The following NUP210L variants were observed in gnomAD, a reference collection of about 807,000 sequenced individuals.
The protein encoded by NUP210L is nucleoporin 210 like.
A neutral mutation model predicts 208.5 loss-of-function variants in NUP210L; 74 were observed. That is an observed-to-expected ratio of 0.35 (90% CI 0.29 to 0.43). NUP210L has a LOEUF of 0.43. Ranked by LOEUF, NUP210L falls within the 20% of genes least tolerant of loss-of-function variation. The pLI is 1.00. For missense variants in NUP210L, 1,843 were observed against 2,289.4 expected, an observed-to-expected ratio of 0.81 and a Z score of 3.98; for synonymous variants, 780 against 816.9, an observed-to-expected ratio of 0.95 and a Z score of 0.77.
At chr1:154,026,822 C>T (rs575212612) in intron 29 of NUP210L, among the ~76,000 whole-genome samples, 1 of 152,200 alleles carries the variant, frequency 6.6e-6, no homozygotes, top group African/African-American at 2.4e-5. Flanking sequence ...GTGGCTCACA[C>T]CTATAATCCC....
chr1:154,141,581 T>C, intron 3 of NUP210L, 57 bp from the exon 4 acceptor site: 2 of 1,044,510 alleles, frequency 1.9e-6, no homozygotes, highest in Non-Finnish European at 3.0e-6. Context: ...AATATTCAGG[T>C]ATTTACAACA....
intron 12 of NUP210L, among the ~76,000 whole-genome samples, chr1:154,108,209 G>C (rs1367496502): frequency 6.6e-6 from 1 of 152,082 alleles, no homozygotes; most frequent in Non-Finnish European, 1.5e-5. Flanking sequence ...TCAGGCTGGA[G>C]TGCAGTGGCA....
intron 25 of NUP210L, among the ~76,000 whole-genome samples, chr1:154,050,658 C>G (rs1490697967): frequency 2.0e-5 from 3 of 152,182 alleles, no homozygotes; most frequent in Non-Finnish European, 4.4e-5. Flanking sequence ...GGCATAAATA[C>G]AGCAAGCTTT....
At position 154,009,624 on chromosome 1, in the gene NUP210L, TAAAAAAAA is replaced by T. The variant is rs35760411; in HGVS notation, c.4930+340_4930+347del. On this transcript the variant is annotated intron_variant, in intron 35 of 39. Transcript: ENST00000368559. ...CAATATAGGAAGATCACGTTGCTCT[TAAAAAAAA>T]AAAAAAAAAAAAAAAAAGGCATGAT... Among the ~76,000 whole-genome samples, 214 of 55,452 alleles carry T rather than the reference TAAAAAAAA, an allele frequency of 3.9e-3. 1 individual carries two copies. Among genetic ancestry groups the T allele is most frequent in the Non-Finnish European group, 5.9e-3 (176 of 29,594 alleles). 36.4% of individuals were successfully genotyped at this position (55,452 alleles called of 152,430 possible). A position where few individuals can be genotyped will look rare whatever the true frequency, so the allele number is the denominator to read the frequency against.
intron 27 of NUP210L, among the ~76,000 whole-genome samples, chr1:154,040,600 T>C (rs1473961091): frequency 1.3e-5 from 2 of 151,800 alleles, no homozygotes; most frequent in African/African-American, 4.8e-5. Flanking sequence ...TCTTTTTTTT[T>C]TTTTGAGATG....
intron 22 of NUP210L, 132 bp downstream of exon 22, chr1:154,057,957 G>T: frequency 1.0e-6 from 1 of 1,004,332 alleles, no homozygotes; most frequent in Non-Finnish European, 1.5e-6. Context: ...CGTATGGGCT[G>T]AAATGTATTC....
intron 14 of NUP210L, 134 bp from the exon 15 acceptor site, chr1:154,095,290 T>C (rs1186836016): frequency 3.0e-6 from 2 of 670,606 alleles, no homozygotes; most frequent in Non-Finnish European, 5.1e-6. Flanking sequence ...ATGTATGCCA[T>C]GCCTCTCACT....
chr1:154,091,480 C>G (rs983740619), intron 15 of NUP210L, among the ~76,000 whole-genome samples: 15 of 148,118 alleles, frequency 1.0e-4, no homozygotes, highest in Admixed American at 5.4e-4. Flanking sequence ...AGCAACATGT[C>G]TTTTTCTTTT....
chr1:154,009,544 T>C (rs1232412333), intron 35 of NUP210L, among the ~76,000 whole-genome samples: 1 of 150,394 alleles, frequency 6.6e-6, no homozygotes, highest in African/African-American at 2.4e-5. Context: ...TCCAGCACTT[T>C]GGGAGGCTGA....
intron 2 of NUP210L, among the ~76,000 whole-genome samples, chr1:154,144,667 T>G (rs1659031359): frequency 6.6e-6 from 1 of 152,260 alleles, no homozygotes; most frequent in South Asian, 2.1e-4. Context: ...TGTTCCATTC[T>G]ACTATTGTAA....
chr1:154,103,567 G>A (rs1656584118), intron 13 of NUP210L, among the ~76,000 whole-genome samples: 1 of 148,590 alleles, frequency 6.7e-6, no homozygotes, highest in Non-Finnish European at 1.5e-5. Context: ...AGCTACTCGG[G>A]AGGCTGAGGC....
intron 35 of NUP210L, among the ~76,000 whole-genome samples, chr1:154,002,255 G>T (rs947229881): frequency 1.3e-5 from 2 of 151,960 alleles, no homozygotes; most frequent in African/African-American, 4.8e-5. Context: ...TCACTGTGTC[G>T]TGCAGGCTAG....
chr1:154,073,222 A>G (rs992003225), intron 16 of NUP210L, among the ~76,000 whole-genome samples: 8 of 152,186 alleles, frequency 5.3e-5, no homozygotes, highest in Admixed American at 1.3e-4. Context: ...CCACAATGTG[A>G]TATCACCTTA....
At chr1:154,048,077 T>C (rs574789979) in intron 25 of NUP210L, among the ~76,000 whole-genome samples, 3 of 152,250 alleles carry the variant, frequency 2.0e-5, no homozygotes, top group Non-Finnish European at 4.4e-5. Flanking sequence ...AAGGAAAGTA[T>C]ATCGAAATAA....
At chr1:154,055,487 GTGAT>G (rs1653813893) in intron 23 of NUP210L, among the ~76,000 whole-genome samples, 1 of 152,080 alleles carries the variant, frequency 6.6e-6, no homozygotes, top group Non-Finnish European at 1.5e-5. Context: ...CTAACCTCAG[GTGAT>G]CCACCTGCCT....
intron 27 of NUP210L, among the ~76,000 whole-genome samples, chr1:154,042,257 G>T (rs1199408673): frequency 6.6e-6 from 1 of 151,984 alleles, no homozygotes; most frequent in Non-Finnish European, 1.5e-5. Flanking sequence ...ATGCCACTAT[G>T]CCTGGCTAAT....
At chr1:154,117,504 C>T (rs113637431) in intron 12 of NUP210L, among the ~76,000 whole-genome samples, 3 of 152,134 alleles carry the variant, frequency 2.0e-5, no homozygotes, top group African/African-American at 4.8e-5. Context: ...TTACTTGAAC[C>T]GGGGAGGCAG....
rs773042336 is a variant in NUP210L at position 154,058,236 on chromosome 1, AG to A, written c.2980-21del. ...TTCAACCTAGTAGTTAAAAAGAAAA[AG>A]ATTTTAGCAAAGGTGTCTCATTCAC... is the stretch of plus-strand genomic sequence containing the variant. On this transcript the variant is annotated intron_variant, in intron 21 of 39. Coordinates refer to ENST00000368559, the Ensembl canonical transcript of NUP210L. 2 of 1,612,476 alleles carry A rather than the reference AG, an allele frequency of 1.2e-6. No homozygotes were observed. Among genetic ancestry groups the A allele is most frequent in the South Asian group, 2.2e-5 (2 of 90,770 alleles).
chr1:154,025,999 G>C (rs1651856595), intron 29 of NUP210L, among the ~76,000 whole-genome samples: 1 of 151,842 alleles, frequency 6.6e-6, no homozygotes, highest in African/African-American at 2.4e-5. Context: ...AAGGCGGGAG[G>C]ATCACCTGAG....
Sources: gnomAD v4.1 joint callset for allele counts (sites outside exome capture counted in the v4.1 genomes callset) on GRCh38, gnomAD v4.1.1 for gene constraint, MANE v1.5 for transcripts, NCBI Gene and HGNC (gene_info 2026-07-23, HGNC 2026-07-21) for gene names.